PCDH15: variants seen among roughly 807,000 people sequenced by gnomAD.
The protein encoded by PCDH15 is protocadherin related 15.
A neutral mutation model predicts 178.5 loss-of-function variants in PCDH15; 129 were observed. The ratio of observed to expected loss-of-function variants is 0.72; its 90% CI spans 0.63 to 0.84. The LOEUF is 0.84. Ranked by LOEUF, PCDH15 falls within the 40% of genes least tolerant of loss-of-function variation. The probability of loss-of-function intolerance (pLI) is 0.00; values close to 1 mark genes in which losing one functional copy is unlikely to be tolerated. For synonymous variants in PCDH15, 800 were observed against 732.0 expected, an observed-to-expected ratio of 1.09 and a Z score of -1.50; for missense variants, 2,230 against 2,099.9, an observed-to-expected ratio of 1.06 and a Z score of -1.21.
chr10:54,476,627 G>A (rs1420864105), intron 3 of PCDH15, among the ~76,000 whole-genome samples: 1 of 152,008 alleles, frequency 6.6e-6, no homozygotes, highest in African/African-American at 2.4e-5. Flanking sequence ...TTTTAAAAGG[G>A]TGATCAGAAA....
intron 27 of PCDH15, among the ~76,000 whole-genome samples, chr10:53,862,475 A>G (rs4935474): frequency 0.069 from 10,465 of 152,278 alleles, 612 homozygotes; most frequent in African/African-American, 0.15. Context: ...ATTACACAAT[A>G]TCAATAAATA....
At chr10:54,577,211 T>C (rs1270568679) in intron 2 of PCDH15, among the ~76,000 whole-genome samples, 1 of 151,384 alleles carries the variant, frequency 6.6e-6, no homozygotes, top group Non-Finnish European at 1.5e-5. Context: ...GCCCCCTGAG[T>C]AGCAGGGACT....
chr10:54,166,457 A>G (rs1162630358), intron 13 of PCDH15, among the ~76,000 whole-genome samples: 1 of 152,222 alleles, frequency 6.6e-6, no homozygotes, highest in Non-Finnish European at 1.5e-5. Flanking sequence ...AAAGTAATAC[A>G]ACATGTAGCA....
chr10:55,322,900 C>T (rs1843938613), upstream of PCDH15, among the ~76,000 whole-genome samples: 1 of 152,036 alleles, frequency 6.6e-6, no homozygotes, highest in Non-Finnish European at 1.5e-5. Context: ...GTCTCTGGGG[C>T]ATGTCAGAGA....
intron 2 of PCDH15, among the ~76,000 whole-genome samples, chr10:55,148,802 A>G (rs1194209693): frequency 6.7e-6 from 1 of 149,986 alleles, no homozygotes; most frequent in Non-Finnish European, 1.5e-5. Context: ...ATAAAACATG[A>G]GAATTTTATA....
chr10:54,578,505 A>G (rs1467676302), intron 2 of PCDH15, among the ~76,000 whole-genome samples: 2 of 152,160 alleles, frequency 1.3e-5, no homozygotes, highest in Admixed American at 6.6e-5. Context: ...AAATACCTAC[A>G]TGGTTTAAAA....
At chr10:54,687,027 T>A (rs770593156) in intron 1 of PCDH15, among the ~76,000 whole-genome samples, 9 of 152,120 alleles carry the variant, frequency 5.9e-5, no homozygotes, top group Non-Finnish European at 1.2e-4. Flanking sequence ...TATTTAAAAA[T>A]GTTCAATGTC....
chr10:54,815,942 TA>T (rs1198948814), intron 3 of PCDH15, among the ~76,000 whole-genome samples: 2 of 152,152 alleles, frequency 1.3e-5, no homozygotes, highest in Non-Finnish European at 2.9e-5. Flanking sequence ...GCAAAGTATG[TA>T]TGTTAATCAA....
intron 12 of PCDH15, 26 bp downstream of exon 12, chr10:54,185,108 T>C (rs781153912): frequency 2.7e-5 from 43 of 1,609,938 alleles, no homozygotes; most frequent in Non-Finnish European, 3.4e-5. Flanking sequence ...TACATACATA[T>C]GTATATTTAC....
intron 2 of PCDH15, among the ~76,000 whole-genome samples, chr10:55,150,128 G>C (rs1289753636): frequency 6.6e-6 from 1 of 151,728 alleles, no homozygotes; most frequent in Non-Finnish European, 1.5e-5. Context: ...GAAGAGGAGA[G>C]AAGACAAGAG....
intron 2 of PCDH15, among the ~76,000 whole-genome samples, chr10:55,611,041 A>G (rs898820573): frequency 1.2e-4 from 18 of 152,164 alleles, no homozygotes; most frequent in Non-Finnish European, 2.2e-4. Context: ...TAGGCTTTTC[A>G]TTTCTTAAAT....
Position 55,538,492 on chromosome 10 carries a change from C to T in PCDH15, c.-156+89133G>A, listed in dbSNP as rs1171241349. Among the ~76,000 whole-genome samples the T allele has an allele frequency of 9.8e-5, 11 of 111,968 alleles. No homozygotes were observed. The East Asian group carries it at 1.4e-3, about 15-fold the overall frequency. The allele number at this position is 111,968 out of a possible 152,430, so 73.5% of individuals were successfully genotyped here. A position where few individuals can be genotyped will look rare whatever the true frequency, so the allele number is the denominator to read the frequency against. ...TCCCTCCCTTCCTCCCTTCCTTCCTCCTTTCCTTCCTTCCTTCTTTCCTTC... is the reference window on the plus strand; with the variant it reads ...TCCCTCCCTTCCTCCCTTCCTTCCTTCTTTCCTTCCTTCCTTCTTTCCTTC... On this transcript the variant is annotated intron_variant, in intron 2 of 5. Transcript: ENST00000613346.
intron 9 of PCDH15, among the ~76,000 whole-genome samples, chr10:54,219,095 AAAAAAAAAAAAAC>A (rs1212928260): frequency 1.4e-5 from 2 of 138,796 alleles, no homozygotes; most frequent in Admixed American, 7.2e-5. Context: ...CTACTAAAAA[AAAAAAAAAAAAAC>A]AAAAAAAAAA....
At chr10:55,243,583 A>G (rs963859098) in intron 1 of PCDH15, among the ~76,000 whole-genome samples, 2 of 152,206 alleles carry the variant, frequency 1.3e-5, no homozygotes, top group African/African-American at 4.8e-5. Context: ...AATGAAAACT[A>G]CACATCTACT....
chr10:54,734,220 C>A (rs780400604), intron 1 of PCDH15, among the ~76,000 whole-genome samples: 2 of 151,750 alleles, frequency 1.3e-5, no homozygotes, highest in Non-Finnish European at 2.9e-5. Flanking sequence ...GCAATTATGA[C>A]ACGATAATAA....
At chr10:53,992,079 A>C (rs1308957651) in intron 21 of PCDH15, among the ~76,000 whole-genome samples, 1 of 151,840 alleles carries the variant, frequency 6.6e-6, no homozygotes, top group East Asian at 1.9e-4. Context: ...GAAGGTCTGC[A>C]GCTTCACTCC....
intron 2 of PCDH15, among the ~76,000 whole-genome samples, chr10:55,623,993 T>TATTGTTATGGTTA (rs1257289641): frequency 6.6e-6 from 1 of 152,036 alleles, no homozygotes; most frequent in African/African-American, 2.4e-5. Flanking sequence ...GAAAATGAAT[T>TATTGTTATGGTTA]TCTAGAGCAG....
chr10:54,366,986 G>A (rs1946910020), intron 5 of PCDH15, among the ~76,000 whole-genome samples: 1 of 152,016 alleles, frequency 6.6e-6, no homozygotes, highest in South Asian at 2.1e-4. Flanking sequence ...TTATCACTCT[G>A]ATGTTTAGGA....
intron 13 of PCDH15, among the ~76,000 whole-genome samples, chr10:54,166,242 T>C (rs1488544559): frequency 1.3e-5 from 2 of 152,236 alleles, no homozygotes; most frequent in Non-Finnish European, 1.5e-5. Context: ...GTTAGTGCTC[T>C]TAGTCTTTCT....
Sources: allele counts gnomAD v4.1 joint callset (sites outside exome capture counted in the v4.1 genomes callset), GRCh38; gene constraint gnomAD v4.1.1; transcripts MANE v1.5; gene names NCBI Gene and HGNC (gene_info 2026-07-23, HGNC 2026-07-21).